The following MSI2 variants were observed in gnomAD, a reference collection of about 807,000 sequenced individuals.
The protein encoded by MSI2 is RNA-binding protein Musashi homolog 2.
MSI2 carries 17 observed loss-of-function variants against 45.6 expected under a neutral mutation model. The ratio of observed to expected loss-of-function variants is 0.37; its 90% confidence interval spans 0.26 to 0.56. The LOEUF (loss-of-function observed/expected upper bound fraction) is 0.56. Among genes scored for constraint, MSI2 ranks in the 20% least tolerant of loss-of-function variants. The pLI, the probability that MSI2 is intolerant of heterozygous loss-of-function variation, is 0.77. For missense variants in MSI2, 293 were observed against 444.2 expected, an observed-to-expected ratio of 0.66 and a Z score of 3.06; for synonymous variants, 156 against 158.2, an observed-to-expected ratio of 0.99 and a Z score of 0.11.
At chr17:57,429,581 A>G (rs1231932039) in intron 6 of MSI2, among the ~76,000 whole-genome samples, 1 of 152,150 alleles carries the variant, frequency 6.6e-6, no homozygotes, top group Non-Finnish European at 1.5e-5. Context: ...ATGACCAGCA[A>G]GGGTTTTTCC....
chr17:57,602,150 G>T (rs1905954961), intron 8 of MSI2: 1 of 152,138 alleles, frequency 6.6e-6, no homozygotes, highest in Non-Finnish European at 1.5e-5. Flanking sequence ...GCCCAGGATG[G>T]CTTTGAATGT....
intron 5 of MSI2, among the ~76,000 whole-genome samples, chr17:57,391,391 T>C (rs2083787815): frequency 6.6e-6 from 1 of 152,222 alleles, no homozygotes; most frequent in Non-Finnish European, 1.5e-5. Flanking sequence ...TCGGAACTGT[T>C]AGGAGACTTG....
intron 8 of MSI2, among the ~76,000 whole-genome samples, chr17:57,604,962 TG>T (rs1396723405): frequency 2.4e-5 from 3 of 126,948 alleles, no homozygotes; most frequent in Non-Finnish European, 5.1e-5. Flanking sequence ...TATTTGTGTG[TG>T]GGGAGGGGGG....
At chr17:57,311,076 A>G (rs1912363750) in intron 5 of MSI2, among the ~76,000 whole-genome samples, 1 of 152,260 alleles carries the variant, frequency 6.6e-6, no homozygotes, top group Non-Finnish European at 1.5e-5. Context: ...CCCAGGACAC[A>G]GTAGATGCTC....
chr17:57,539,242 G>A (rs1434942302), intron 7 of MSI2, among the ~76,000 whole-genome samples: 1 of 150,958 alleles, frequency 6.6e-6, no homozygotes, highest in East Asian at 1.9e-4. Context: ...GAGTGCAGTG[G>A]CGCAATCTTG....
At chr17:57,574,932 G>C (rs1052793834) in intron 7 of MSI2, among the ~76,000 whole-genome samples, 12 of 147,996 alleles carry the variant, frequency 8.1e-5, no homozygotes, top group Non-Finnish European at 1.3e-4. Context: ...CCGGGTTCAC[G>C]CCATTCTGCT....
intron 7 of MSI2, among the ~76,000 whole-genome samples, chr17:57,546,967 C>T (rs1403689555): frequency 6.6e-6 from 1 of 152,236 alleles, no homozygotes; most frequent in Non-Finnish European, 1.5e-5. Flanking sequence ...ATTTCAGGTA[C>T]TGCTGAGGGC....
Position 57,596,260 on chromosome 17 carries a change from G to C in MSI2, c.455-608G>C, listed in dbSNP as rs1028044051. Among the ~76,000 whole-genome samples the C allele has an allele frequency of 5.9e-5, 9 of 152,214 alleles. No homozygotes were observed. The highest frequency in any genetic ancestry group is 1.0e-4 in the Non-Finnish European group (7 of 68,040). On this transcript the variant is annotated intron_variant, in intron 7 of 13. Transcript: ENST00000284073. This position sits in a 1 kb window ranked among gnomAD's most constrained non-coding sequence, Gnocchi z 4.6. Reference sequence around the variant, plus strand: ...AGAGTACATACAGTGGATAGCTGACGGGCTGACAGCAGGCATCAAACAGTC... The same window carrying C: ...AGAGTACATACAGTGGATAGCTGACCGGCTGACAGCAGGCATCAAACAGTC...
rs755494165 is a variant in MSI2 at position 57,675,043 on chromosome 17, C to G, written c.862C>G (p.Pro288Ala). Reference protein sequence around the residue: ...SPGPVADLYGPASQDSGVGNY... With the variant: ...SPGPVADLYGAASQDSGVGNY... The stretch of plus-strand genomic sequence containing the variant: ...AGGACCTGTCGCCGATCTCTACGGC[C>G]CTGCCAGCCAGGACTCCGGAGTGGG... Residue 288 changes from proline to alanine, a missense_variant, in exon 12 of 14, where the codon CCT (proline) becomes GCT (alanine). Transcript: ENST00000284073. The G allele has an allele frequency of 2.2e-5, 35 of 1,614,110 alleles. No individual in the cohort carries two copies. Among genetic ancestry groups the G allele is most frequent in the Non-Finnish European group, 2.9e-5 (34 of 1,180,030 alleles).
In MSI2 at chr17:57,632,524, G is replaced by A. The variant is rs146697927; in HGVS notation, c.727+5221G>A. The A allele has an allele frequency of 2.2e-4, 236 of 1,066,784 alleles. No homozygotes were observed. In the African/African-American group the frequency reaches 3.2e-3, roughly 14 times the overall value. The allele number at this position is 1,066,784 out of a possible 1,614,324, so 66.1% of individuals were successfully genotyped here. On this transcript the variant is annotated intron_variant, in intron 10 of 13. Transcript: ENST00000284073. ...CAGTGGGCCCCGCCTTCCCCAGCTC[G>A]CCTCCCTGCCTGTGCTGGCCTGGCC...
chr17:57,325,798 G>A (rs1467303146), intron 5 of MSI2, among the ~76,000 whole-genome samples: 3 of 152,150 alleles, frequency 2.0e-5, no homozygotes, highest in Admixed American at 6.5e-5. Flanking sequence ...GCTCCCATAC[G>A]GATGCCTGCC....
chr17:57,484,142 G>A (rs1050053357), intron 6 of MSI2, among the ~76,000 whole-genome samples: 2 of 152,222 alleles, frequency 1.3e-5, no homozygotes, highest in Non-Finnish European at 2.9e-5. Context: ...TTGGCTGAGA[G>A]GCCATTCTCT....
chr17:57,503,714 G>C (rs892039580), intron 6 of MSI2, among the ~76,000 whole-genome samples: 8 of 152,212 alleles, frequency 5.3e-5, no homozygotes, highest in Admixed American at 2.0e-4. Flanking sequence ...GTTCACAGGT[G>C]CTTATGGTTT....
chr17:57,425,679 T>C (rs1481834158), intron 6 of MSI2, among the ~76,000 whole-genome samples: 1 of 152,236 alleles, frequency 6.6e-6, no homozygotes, highest in East Asian at 1.9e-4. Context: ...ATGATCATTG[T>C]TTGGTATTAT....
At chr17:57,555,358 A>ATTCTGGTC (rs145209371) in intron 7 of MSI2, among the ~76,000 whole-genome samples, 2,683 of 152,204 alleles carry the variant, frequency 0.018, 43 homozygotes, top group South Asian at 0.063. Context: ...CTGAAATGTG[A>ATTCTGGTC]TTCTGGTCGT....
At chr17:57,295,917 T>C (rs1279588642) in intron 5 of MSI2, among the ~76,000 whole-genome samples, 1 of 151,518 alleles carries the variant, frequency 6.6e-6, no homozygotes, top group African/African-American at 2.4e-5. Flanking sequence ...TGAACTGGTC[T>C]TTCTAAAAGA....
At chr17:57,699,817 G>T in the MSI2 span, among the ~76,000 whole-genome samples, 2 of 152,210 alleles carry the variant, frequency 1.3e-5, no homozygotes, top group Non-Finnish European at 2.9e-5. Flanking sequence ...GCACATGGCC[G>T]CATCAGCCAG....
chr17:57,340,682 G>A (rs982557327), intron 5 of MSI2, among the ~76,000 whole-genome samples: 1 of 152,190 alleles, frequency 6.6e-6, no homozygotes, highest in African/African-American at 2.4e-5. Flanking sequence ...GTGACACTGG[G>A]AAGTGTTGTC....
chr17:57,687,305 A>C (rs139806797), downstream of MSI2, among the ~76,000 whole-genome samples: 769 of 152,164 alleles, frequency 5.1e-3, 6 homozygotes, highest in African/African-American at 0.017. Flanking sequence ...AAAAACTAGA[A>C]AAAAAGAAAT....
Sources: gnomAD v4.1 joint callset for allele counts (sites outside exome capture counted in the v4.1 genomes callset) on GRCh38, gnomAD v4.1.1 for gene constraint, Gnocchi (gnomAD v3.1) non-coding constraint, MANE v1.5 for transcripts, NCBI Gene and HGNC (gene_info 2026-07-23, HGNC 2026-07-21) for gene names.